The following RGS7 variants were observed in gnomAD, a reference collection of about 807,000 sequenced individuals.
RGS7 encodes the protein regulator of G protein signaling 7.
A neutral mutation model predicts 81.1 loss-of-function variants in RGS7; 27 were observed. The ratio of observed to expected loss-of-function variants is 0.33; its 90% CI spans 0.25 to 0.46. The LOEUF (loss-of-function observed/expected upper bound fraction) is 0.46, where lower values mean the gene tolerates loss of function less well. RGS7 is among the 20% of genes least tolerant of loss of function. RGS7 has a pLI of 1.00. For missense variants in RGS7, 396 were observed against 607.4 expected (o/e 0.65, Z 3.66); for synonymous variants, 208 against 207.7 (o/e 1.00, Z -0.01).
At chr1:241,307,227 C>G (rs1378927634) in intron 2 of RGS7, among the ~76,000 whole-genome samples, 1 of 152,090 alleles carries the variant, frequency 6.6e-6, no homozygotes, top group Non-Finnish European at 1.5e-5. Context: ...TGAGTGGGCC[C>G]TGAAAATGCT....
intron 2 of RGS7, among the ~76,000 whole-genome samples, chr1:241,315,688 T>C (rs1474540651): frequency 6.6e-6 from 1 of 152,156 alleles, no homozygotes; most frequent in South Asian, 2.1e-4. Context: ...TGCATCGTAT[T>C]TCCTTTTCTA....
At chr1:240,916,109 C>CAAAAAAAAA (rs60839025) in intron 6 of RGS7, among the ~76,000 whole-genome samples, 2 of 70,942 alleles carry the variant, frequency 2.8e-5, no homozygotes, top group African/African-American at 4.6e-5. Flanking sequence ...CTAAAAATAC[C>CAAAAAAAAA]AAAAAAAAAA....
intron 2 of RGS7, among the ~76,000 whole-genome samples, chr1:241,267,911 C>T (rs2077675844): frequency 6.6e-6 from 1 of 152,110 alleles, no homozygotes; most frequent in Non-Finnish European, 1.5e-5. Context: ...GAAAATTTAA[C>T]TTCAGTTGGT....
intron 2 of RGS7, among the ~76,000 whole-genome samples, chr1:241,198,919 CA>C (rs1394888970): frequency 1.3e-5 from 2 of 151,882 alleles, no homozygotes; most frequent in African/African-American, 4.8e-5. Context: ...AACCCGTATG[CA>C]AAAATATTAC....
chr1:240,930,742 A>T lies in RGS7; in HGVS notation c.360T>A (p.Cys120Ter). ...CATAATCTGTGTTTTCCGGCTCCCAACAATTTGATGGCCAAAAATAGGGGG... is the reference window on the plus strand; with the variant it reads ...CATAATCTGTGTTTTCCGGCTCCCATCAATTTGATGGCCAAAAATAGGGGG... ...FQTPYFWPSN[C>*]WEPENTDYAV... The change falls in exon 6 of 19, where the codon TGT becomes TGA. Residue 120 changes from cysteine (C) to a stop codon, truncating the protein, a stop_gained. Transcript: ENST00000440928. LOFTEE classifies it high-confidence loss of function. 6.2e-7 allele frequency: 1 copy of T among 1,613,988 alleles called. No homozygotes were observed. The highest frequency in any genetic ancestry group is 8.5e-7 in the Non-Finnish European group (1 of 1,179,872).
chr1:241,024,511 T>A (rs920817539), intron 3 of RGS7, among the ~76,000 whole-genome samples: 2 of 152,210 alleles, frequency 1.3e-5, no homozygotes, highest in Non-Finnish European at 2.9e-5. Context: ...TGAGCTAGTA[T>A]ACCAGTGACA....
chr1:240,999,510 T>C (rs926997375), intron 3 of RGS7, among the ~76,000 whole-genome samples: 2 of 152,208 alleles, frequency 1.3e-5, no homozygotes, highest in African/African-American at 2.4e-5. Context: ...AGCTAATCTA[T>C]TAACTCTGTC....
rs780650670 is a variant in RGS7 at position 240,776,174 on chromosome 1, G to A, written c.*46C>T. The A allele has an allele frequency of 6.2e-7, 1 of 1,611,314 alleles. No individual in the cohort carries two copies. Among genetic ancestry groups the A allele is most frequent in the Non-Finnish European group, 8.5e-7 (1 of 1,177,432 alleles). On this transcript the variant is annotated 3_prime_UTR_variant, in exon 19 of 19. Transcript: ENST00000440928. Reference sequence around the variant, plus strand: ...ACAAGATGATCCGTTTAGTAAGACTGAGCAAGGCTTGTTAACCTCTTGGAC... The same window carrying A: ...ACAAGATGATCCGTTTAGTAAGACTAAGCAAGGCTTGTTAACCTCTTGGAC...
At chr1:241,084,791 GA>G (rs2063335414) in intron 3 of RGS7, among the ~76,000 whole-genome samples, 1 of 152,150 alleles carries the variant, frequency 6.6e-6, no homozygotes, top group South Asian at 2.1e-4. Context: ...CTAAACTAAT[GA>G]AAAATACAAG....
intron 10 of RGS7, among the ~76,000 whole-genome samples, chr1:240,816,986 C>T (rs181236789): frequency 6.6e-6 from 1 of 152,274 alleles, no homozygotes; most frequent in Admixed American, 6.5e-5. Context: ...CATTGGGTGC[C>T]ATTTGCAAAC....
intron 3 of RGS7, among the ~76,000 whole-genome samples, chr1:240,996,103 T>A (rs1291519054): frequency 1.3e-5 from 2 of 152,214 alleles, no homozygotes; most frequent in African/African-American, 2.4e-5. Context: ...GATTTTCCTT[T>A]TAGTTTTTTC....
intron 6 of RGS7, among the ~76,000 whole-genome samples, chr1:240,913,774 G>T (rs193280852): frequency 6.6e-6 from 1 of 151,548 alleles, no homozygotes; most frequent in East Asian, 1.9e-4. Context: ...TTATCCCAGA[G>T]CATCTGTAAT....
At chr1:241,015,485 A>G (rs940278217) in intron 3 of RGS7, among the ~76,000 whole-genome samples, 5 of 152,182 alleles carry the variant, frequency 3.3e-5, no homozygotes, top group African/African-American at 1.2e-4. Context: ...CCTTTAACCT[A>G]TTGACCATTA....
chr1:241,250,177 T>C (rs1348590056), intron 2 of RGS7, among the ~76,000 whole-genome samples: 1 of 152,142 alleles, frequency 6.6e-6, no homozygotes, highest in African/African-American at 2.4e-5. Context: ...GTACACAGAA[T>C]GTTATCAAAG....
intron 18 of RGS7, among the ~76,000 whole-genome samples, chr1:240,790,129 G>A (rs1375546690): frequency 6.6e-6 from 1 of 152,098 alleles, no homozygotes; most frequent in East Asian, 1.9e-4. Context: ...CTATTTGGGA[G>A]GCTGAAGCAG....
At chr1:240,796,812 G>A (rs1325046837) in intron 18 of RGS7, among the ~76,000 whole-genome samples, 5 of 152,154 alleles carry the variant, frequency 3.3e-5, no homozygotes, top group Non-Finnish European at 7.3e-5. Flanking sequence ...GCAGTCCCCA[G>A]AGCACAGTTA....
At chr1:240,820,457 G>C (rs977584973) in intron 10 of RGS7, among the ~76,000 whole-genome samples, 1 of 143,272 alleles carries the variant, frequency 7.0e-6, no homozygotes, top group Non-Finnish European at 1.5e-5. Flanking sequence ...AAATTATCCC[G>C]TTTTTTTTTT....
At chr1:241,098,579 G>A in intron 3 of RGS7, 87 bp downstream of exon 3, 1 of 873,856 alleles carries the variant, frequency 1.1e-6, no homozygotes, top group Non-Finnish European at 1.9e-6. Context: ...TAGAGACAGA[G>A]TTTCAATAGT....
intron 3 of RGS7, among the ~76,000 whole-genome samples, chr1:241,035,772 G>C (rs768930882): frequency 6.6e-6 from 1 of 151,932 alleles, no homozygotes; most frequent in Non-Finnish European, 1.5e-5. Context: ...AACAGTTATC[G>C]AATGCTTACT....
Sources: gnomAD v4.1 joint callset for allele counts (sites outside exome capture counted in the v4.1 genomes callset) on GRCh38, gnomAD v4.1.1 for gene constraint, MANE v1.5 for transcripts, NCBI Gene and HGNC (gene_info 2026-07-23, HGNC 2026-07-21) for gene names.